CPED1: variants seen among roughly 807,000 people sequenced by gnomAD.
CPED1 encodes the protein cadherin like and PC-esterase domain containing 1.
In CPED1, 114 loss-of-function variants were observed where a neutral mutation model predicts 128.2. The ratio of observed to expected loss-of-function variants is 0.89; its 90% CI spans 0.76 to 1.04. CPED1 has a LOEUF of 1.04. Among genes scored for constraint, CPED1 ranks in the 50% least tolerant of loss-of-function variants. The pLI, the probability that CPED1 is intolerant of heterozygous loss-of-function variation, is 0.00. For missense variants in CPED1, 1,211 were observed against 1,207.1 expected, an observed-to-expected ratio of 1.00 and a Z score of -0.05; for synonymous variants, 462 against 426.7, an observed-to-expected ratio of 1.08 and a Z score of -1.02.
chr7:121,076,228 A>G lies in CPED1; in HGVS notation c.616+11915A>G, dbSNP rs994725481. Reference sequence around the variant, plus strand: ...GCATTATGAGCTCGATATTGAGCTGATGCTATGGGGCAAATAATAAGGGTA... The same window carrying G: ...GCATTATGAGCTCGATATTGAGCTGGTGCTATGGGGCAAATAATAAGGGTA... On this transcript the variant is annotated intron_variant, in intron 5 of 22. Coordinates refer to ENST00000310396, the MANE Select transcript of CPED1 (RefSeq NM_024913.5). 2.0e-5 allele frequency among the ~76,000 whole-genome samples: 3 copies of G among 152,182 alleles called. No individual in the cohort carries two copies. In the East Asian group the frequency reaches 5.8e-4, roughly 29 times the overall value.
intron 5 of CPED1, among the ~76,000 whole-genome samples, chr7:121,067,633 A>G (rs1793874372): frequency 6.6e-6 from 1 of 152,160 alleles, no homozygotes; most frequent in South Asian, 2.1e-4. Context: ...ATACCCAGTA[A>G]TGGGATGGCT....
chr7:121,225,026 C>T (rs1272787164), intron 16 of CPED1, among the ~76,000 whole-genome samples: 2 of 152,008 alleles, frequency 1.3e-5, no homozygotes, highest in Non-Finnish European at 2.9e-5. Context: ...ATGATGTTAG[C>T]TGGTTATTTT....
At chr7:121,200,733 A>C (rs761207196) in intron 16 of CPED1, among the ~76,000 whole-genome samples, 3 of 152,158 alleles carry the variant, frequency 2.0e-5, no homozygotes, top group Non-Finnish European at 4.4e-5. Flanking sequence ...TGTTGAATTG[A>C]ATGAAACAGA....
intron 6 of CPED1, among the ~76,000 whole-genome samples, chr7:121,098,114 A>G (rs1295908203): frequency 6.6e-6 from 1 of 152,206 alleles, no homozygotes; most frequent in Non-Finnish European, 1.5e-5. Flanking sequence ...ATGCAAAACT[A>G]TAAAATTTTA....
chr7:121,067,594 A>AT (rs1345107697), intron 5 of CPED1, among the ~76,000 whole-genome samples: 1 of 152,192 alleles, frequency 6.6e-6, no homozygotes, highest in Non-Finnish European at 1.5e-5. Context: ...ATGTCTTTAT[A>AT]GCAGCATGAT....
rs116285872 is a variant in CPED1 at position 121,132,472 on chromosome 7, T to C, written c.1578-1351T>C. 2.5e-3 allele frequency among the ~76,000 whole-genome samples: 388 copies of C among 152,174 alleles called. 3 individuals are homozygous for C. The highest frequency in any genetic ancestry group is 9.1e-3 in the African/African-American group (377 of 41,542). On this transcript the variant is annotated intron_variant, in intron 12 of 22. Coordinates refer to ENST00000310396, the MANE Select transcript of CPED1 (RefSeq NM_024913.5). ...ATCTTTCCTTTTAAGGAAAGATCAT[T>C]GTCTTGTAGCAACGAGGTGAGAAAG...
intron 5 of CPED1, among the ~76,000 whole-genome samples, chr7:121,080,192 C>T (rs1332720736): frequency 6.6e-6 from 1 of 152,152 alleles, no homozygotes; most frequent in Non-Finnish European, 1.5e-5. Flanking sequence ...TCCTGTTCAC[C>T]TAGCCTGAGT....
chr7:121,126,368 G>A (rs1359235554), intron 9 of CPED1, among the ~76,000 whole-genome samples: 2 of 150,770 alleles, frequency 1.3e-5, no homozygotes, highest in Non-Finnish European at 3.0e-5. Context: ...AAGTGTTTTT[G>A]CCCATTTTGA....
In CPED1 at chr7:121,142,144, A is replaced by C; in HGVS notation, c.2055+3A>C. The C allele has an allele frequency of 6.3e-7, 1 of 1,591,510 alleles. No individual in the cohort carries two copies. The highest frequency in any genetic ancestry group is 8.6e-7 in the Non-Finnish European group (1 of 1,163,982). ...TCACAGCATGTGGTTTTGTGCAGGTAAGTGAAGTTTACATTTGCACTTGGG... is the reference window on the plus strand; with the variant it reads ...TCACAGCATGTGGTTTTGTGCAGGTCAGTGAAGTTTACATTTGCACTTGGG... On this transcript the variant is annotated splice_donor_region_variant and intron_variant, in intron 16 of 22. Coordinates refer to ENST00000310396, the MANE Select transcript of CPED1 (RefSeq NM_024913.5).
At chr7:121,295,281 G>A (rs1399547613) in intron 22 of CPED1, among the ~76,000 whole-genome samples, 159 bp from the exon 23 acceptor site, 9 of 151,986 alleles carry the variant, frequency 5.9e-5, no homozygotes, top group East Asian at 5.8e-4. Flanking sequence ...GGTCTTTTTC[G>A]AAACATAAGT....
At chr7:121,162,530 G>A (rs1217716886) in intron 16 of CPED1, among the ~76,000 whole-genome samples, 2 of 152,184 alleles carry the variant, frequency 1.3e-5, no homozygotes. Context: ...TAATTGAAGA[G>A]AAGGGATACA....
Position 121,287,190 on chromosome 7 carries a change from A to G in CPED1, c.2869-8250A>G, listed in dbSNP as rs1167050496. Among the ~76,000 whole-genome samples the G allele has an allele frequency of 2.0e-5, 3 of 152,130 alleles. No individual in the cohort carries two copies. The East Asian group carries it at 5.8e-4, about 29-fold the overall frequency. On this transcript the variant is annotated intron_variant, in intron 22 of 22. Transcript: ENST00000310396. ...CCTAACCATATCACCTGGGATTTAA[A>G]GATCATGAACCATGGTAGGACAAGT... is the stretch of plus-strand genomic sequence containing the variant.
intron 4 of CPED1, chr7:121,052,118 A>G (rs1326192245): frequency 6.6e-6 from 1 of 152,180 alleles, no homozygotes; most frequent in Non-Finnish European, 1.5e-5. Context: ...GGAACACCCC[A>G]TACTACTTTG....
At chr7:121,244,134 A>G in intron 17 of CPED1, 68 bp from the exon 18 acceptor site, 1 of 1,591,660 alleles carries the variant, frequency 6.3e-7, no homozygotes, top group East Asian at 2.2e-5. Context: ...CCATAGCTGA[A>G]TTTTAAAGTT....
At chr7:121,246,178 T>G (rs931157517) in intron 18 of CPED1, among the ~76,000 whole-genome samples, 2 of 152,200 alleles carry the variant, frequency 1.3e-5, no homozygotes, top group African/African-American at 2.4e-5. Context: ...TCTATTAACC[T>G]GAAAAGCAGT....
At chr7:121,242,985 A>T (rs959464764) in intron 17 of CPED1, among the ~76,000 whole-genome samples, 1 of 152,168 alleles carries the variant, frequency 6.6e-6, no homozygotes, top group Non-Finnish European at 1.5e-5. Context: ...TGAAGTCATG[A>T]ATATAAAATG....
chr7:121,073,990 G>A (rs73221262), intron 5 of CPED1, among the ~76,000 whole-genome samples: 9,082 of 152,092 alleles, frequency 0.06, 327 homozygotes, highest in Middle Eastern at 0.12. Context: ...CTTCAGTGGT[G>A]TAATCCTTCC....
At chr7:121,101,736 A>G (rs1794855507) in intron 7 of CPED1, among the ~76,000 whole-genome samples, 2 of 152,082 alleles carry the variant, frequency 1.3e-5, no homozygotes, top group South Asian at 2.1e-4. Context: ...GTGGAAGGCA[A>G]AGTGGGAGCA....
rs1363259190 is a variant in CPED1, at chr7:121,271,367, C to T, written c.2805C>T (p.Phe935=). ...KKHGYEVVDT[F]TITMGRYKEF... is the part of the protein sequence containing the mutation. ...ATGGCTATGAAGTAGTTGACACATT[C>T]ACTATAACAATGGGGCGTTACAAAG... is the stretch of plus-strand genomic sequence containing the variant. Residue 935 remains phenylalanine (F), a synonymous_variant, in exon 22 of 23, where the codon TTC becomes TTT. Coordinates refer to ENST00000310396, the MANE Select transcript of CPED1 (RefSeq NM_024913.5). The T allele has an allele frequency of 6.2e-7, 1 of 1,612,676 alleles. No homozygotes were observed.
Sources: allele counts gnomAD v4.1 joint callset (sites outside exome capture counted in the v4.1 genomes callset), GRCh38; gene constraint gnomAD v4.1.1; transcripts MANE v1.5; gene names NCBI Gene and HGNC (gene_info 2026-07-23, HGNC 2026-07-21).